Variants in PDGFD observed in about 807,000 individuals in gnomAD.
The protein encoded by PDGFD is platelet-derived growth factor D.
A neutral mutation model predicts 44.7 loss-of-function variants in PDGFD; 30 were observed. The observed-to-expected ratio is 0.67, with a 90% CI of 0.50 to 0.91. PDGFD has a LOEUF of 0.91. Ranked by LOEUF, PDGFD falls within the 40% of genes least tolerant of loss-of-function variation. PDGFD has a pLI of 0.00. For synonymous variants in PDGFD, 173 were observed against 168.4 expected (o/e 1.03, Z -0.21); for missense variants, 445 against 457.8 (o/e 0.97, Z 0.25).
intron 3 of PDGFD, among the ~76,000 whole-genome samples, chr11:103,969,593 T>C (rs541194028): frequency 1.3e-5 from 2 of 150,546 alleles, no homozygotes; most frequent in Non-Finnish European, 3.0e-5. Flanking sequence ...GAAAATAATA[T>C]CTTCTCTATA....
chr11:103,974,992 A>G (rs1226063329), intron 3 of PDGFD, among the ~76,000 whole-genome samples: 2 of 152,198 alleles, frequency 1.3e-5, no homozygotes, highest in African/African-American at 2.4e-5. Flanking sequence ...ATGATTTATA[A>G]TTCTTTGGGT....
chr11:104,056,779 A>AT (rs199731201), intron 1 of PDGFD, among the ~76,000 whole-genome samples: 1 of 152,172 alleles, frequency 6.6e-6, no homozygotes, highest in South Asian at 2.1e-4. Flanking sequence ...AATAAACTGC[A>AT]TTTTTTTATA....
intron 1 of PDGFD, among the ~76,000 whole-genome samples, chr11:104,002,916 T>C (rs1199558913): frequency 6.6e-6 from 1 of 152,228 alleles, no homozygotes; most frequent in Non-Finnish European, 1.5e-5. Flanking sequence ...TATATTACTA[T>C]TAAATTTTAA....
At chr11:103,955,520 A>G (rs913080165) in intron 3 of PDGFD, among the ~76,000 whole-genome samples, 1 of 152,250 alleles carries the variant, frequency 6.6e-6, no homozygotes, top group Non-Finnish European at 1.5e-5. Flanking sequence ...CTGTAGCCCA[A>G]CCAAAACTTA....
chr11:104,060,385 C>G (rs1158757432), intron 1 of PDGFD, among the ~76,000 whole-genome samples: 2 of 152,080 alleles, frequency 1.3e-5, no homozygotes, highest in Non-Finnish European at 1.5e-5. Context: ...GTAGCTGGCC[C>G]AGAGGCCTGG....
At chr11:104,031,906 C>T (rs537282578) in intron 1 of PDGFD, among the ~76,000 whole-genome samples, 6 of 152,284 alleles carry the variant, frequency 3.9e-5, no homozygotes, top group South Asian at 2.1e-4. Context: ...GAAAGCCAAA[C>T]GTCTCATGTT....
At chr11:103,921,990 C>T (rs1376061898) in intron 6 of PDGFD, among the ~76,000 whole-genome samples, 1 of 151,572 alleles carries the variant, frequency 6.6e-6, no homozygotes, top group Non-Finnish European at 1.5e-5. Flanking sequence ...ATAGGTTATT[C>T]CTATCACTAC....
In PDGFD at chr11:103,926,868, C is replaced by G. The variant is rs774702243; in HGVS notation, c.987+44G>C. 1.9e-6 allele frequency: 3 copies of G among 1,560,932 alleles called. No individual in the cohort carries two copies. In the East Asian group the frequency reaches 7.0e-5, roughly 36 times the overall value. ...ATGCAATGGCCCTGTCTTCCTGAAT[C>G]CTATAGATTAAGCATTGCAACAAGA... On this transcript the variant is annotated intron_variant, in intron 6 of 6. Coordinates refer to ENST00000393158, the MANE Select transcript of PDGFD (RefSeq NM_025208.5).
At chr11:104,132,067 G>A (rs1861931902) in intron 1 of PDGFD, among the ~76,000 whole-genome samples, 1 of 150,244 alleles carries the variant, frequency 6.7e-6, no homozygotes. Context: ...TGGTGAGCAT[G>A]CCAAAAAACA....
intron 1 of PDGFD, among the ~76,000 whole-genome samples, chr11:104,041,857 T>C (rs1210889784): frequency 6.6e-6 from 1 of 152,204 alleles, no homozygotes; most frequent in African/African-American, 2.4e-5. Flanking sequence ...AGGTATAAAT[T>C]CATCTTCACT....
chr11:104,161,242 T>C (rs1862383087), intron 1 of PDGFD, among the ~76,000 whole-genome samples: 1 of 152,212 alleles, frequency 6.6e-6, no homozygotes, highest in African/African-American at 2.4e-5. Flanking sequence ...GTTTAGAAAC[T>C]TTCATTTTCT....
At position 104,065,080 on chromosome 11, in the gene PDGFD, T is replaced by C. The variant is rs950501099; in HGVS notation, c.125-64825A>G. On this transcript the variant is annotated intron_variant, in intron 1 of 6. Transcript: ENST00000393158. ...GCAGAAGAACGTTGAGAGAATCAAC[T>C]GGCTTAGCCTCCAAGCCTACATCTT... Among the ~76,000 whole-genome samples, 3 of 152,174 alleles carry C rather than the reference T, an allele frequency of 2.0e-5. No individual in the cohort carries two copies. The South Asian group carries it at 6.2e-4, about 32-fold the overall frequency.
At chr11:104,079,221 A>G (rs1182443848) in intron 1 of PDGFD, among the ~76,000 whole-genome samples, 1 of 152,198 alleles carries the variant, frequency 6.6e-6, no homozygotes, top group East Asian at 1.9e-4. Flanking sequence ...CAGTATCTTA[A>G]TCACCTCACC....
intron 3 of PDGFD, among the ~76,000 whole-genome samples, chr11:103,957,778 A>G (rs1331399386): frequency 2.0e-5 from 3 of 151,462 alleles, no homozygotes; most frequent in East Asian, 1.9e-4. Context: ...TTCAAGAACT[A>G]GAGAGGATCA....
rs5794295 is a variant in PDGFD, at chr11:104,137,728, C to CTTT, written c.124+26073_124+26075dup. On this transcript the variant is annotated intron_variant, in intron 1 of 6. Transcript: ENST00000393158. ...TATTCTATAGTGATATAGATCACCA[C>CTTT]TTTTTTTTTTTTTTTTTTTTTTTTT... Among the ~76,000 whole-genome samples the CTTT allele has an allele frequency of 8.6e-4, 66 of 76,612 alleles. 4 individuals are homozygous for CTTT. Among genetic ancestry groups the CTTT allele is most frequent in the South Asian group, 1.2e-3 (2 of 1,674 alleles). The allele number at this position is 76,612 out of a possible 152,430, so 50.3% of individuals were successfully genotyped here. A position where few individuals can be genotyped will look rare whatever the true frequency, so the allele number is the denominator to read the frequency against.
At chr11:103,946,660 T>TAG (rs1164791693) in intron 4 of PDGFD, 1 of 152,224 alleles carries the variant, frequency 6.6e-6, no homozygotes, top group Non-Finnish European at 1.5e-5. Flanking sequence ...TGTGTTGACT[T>TAG]TCATCTAATT....
chr11:104,067,615 C>T (rs184447358), intron 1 of PDGFD, among the ~76,000 whole-genome samples: 19 of 152,236 alleles, frequency 1.2e-4, no homozygotes, highest in African/African-American at 4.1e-4. Context: ...ACAAGGAGGT[C>T]AGCCAAGTGC....
intron 6 of PDGFD, among the ~76,000 whole-genome samples, chr11:103,911,465 A>G (rs1858027539): frequency 1.3e-5 from 2 of 152,226 alleles, no homozygotes. Flanking sequence ...CAGAGACCCC[A>G]TCTGAAGGTC....
intron 1 of PDGFD, among the ~76,000 whole-genome samples, chr11:104,156,094 T>A (rs565790171): frequency 1.2e-4 from 19 of 152,352 alleles, no homozygotes; most frequent in African/African-American, 4.6e-4. Context: ...AGGTAATGCA[T>A]GTTAATTAGT....
Sources: gnomAD v4.1 joint callset for allele counts (sites outside exome capture counted in the v4.1 genomes callset) on GRCh38, gnomAD v4.1.1 for gene constraint, MANE v1.5 for transcripts, NCBI Gene and HGNC (gene_info 2026-07-23, HGNC 2026-07-21) for gene names.